PLRG1: variants seen among roughly 807,000 people sequenced by gnomAD.
PLRG1 encodes the protein pleiotropic regulator 1 (PRL1 homolog, Arabidopsis).
Under a neutral mutation model 74.9 loss-of-function variants are expected in PLRG1, and 28 were observed. The observed-to-expected ratio is 0.37, with a 90% CI of 0.28 to 0.51. The LOEUF is 0.51. Among genes scored for constraint, PLRG1 ranks in the 20% least tolerant of loss-of-function variants. PLRG1 has a pLI of 0.91. For missense variants in PLRG1, 445 were observed against 631.9 expected, an observed-to-expected ratio of 0.70 and a Z score of 3.17; for synonymous variants, 197 against 212.4, an observed-to-expected ratio of 0.93 and a Z score of 0.63.
At chr4:154,549,816 T>A (rs1052746561) in intron 1 of PLRG1, 21 of 455,786 alleles carry the variant, frequency 4.6e-5, no homozygotes, top group Admixed American at 4.5e-4. Flanking sequence ...AATAAACATG[T>A]GGGGTAAGAT....
In PLRG1 at chr4:154,546,087, T is replaced by C. The variant is rs376230566; in HGVS notation, c.404+36A>G. 22 of 1,297,278 alleles carry C rather than the reference T, an allele frequency of 1.7e-5. No homozygotes were observed. The African/African-American group carries it at 2.8e-4, about 17-fold the overall frequency. The allele number at this position is 1,297,278 out of a possible 1,614,324, so 80.4% of individuals were successfully genotyped here. A position where few individuals can be genotyped will look rare whatever the true frequency, so the allele number is the denominator to read the frequency against. On this transcript the variant is annotated intron_variant, in intron 5 of 14. Transcript: ENST00000499023. ...AAGAAAAAATGTGAACAGTGAAATATGCTTTTAAGATCTTTGTAATTATAA... is the reference window on the plus strand; with the variant it reads ...AAGAAAAAATGTGAACAGTGAAATACGCTTTTAAGATCTTTGTAATTATAA...
rs1729567761 is a variant in PLRG1 at position 154,542,246 on chromosome 4, T to C, written c.628A>G (p.Ile210Val). 6.2e-7 allele frequency: 1 copy of C among 1,612,896 alleles called. No individual in the cohort carries two copies. Among genetic ancestry groups the C allele is most frequent in the Non-Finnish European group, 8.5e-7 (1 of 1,178,964 alleles). ...CACTGATTTCCAGGTTCCACAGCAA[T>C]ACATCGAACCCAGCCAAGATGCCCA... ...ISGHLGWVRC[I>V]AVEPGNQWFV... is the part of the protein sequence containing the mutation. Residue 210 changes from isoleucine (I) to valine (V), a missense_variant, in exon 8 of 15, where the codon ATT becomes GTT. Physicochemically the swap from Ile to Val is conservative, Grantham distance 29. This residue lies in a region of PLRG1 where 221 missense variants were observed against 377.7 expected (regional missense o/e 0.59). Coordinates refer to ENST00000499023, the MANE Select transcript of PLRG1 (RefSeq NM_002669.4).
At chr4:154,550,273 C>T (rs1347205385) in intron 1 of PLRG1, 27 bp downstream of exon 1, 1 of 1,608,306 alleles carries the variant, frequency 6.2e-7, no homozygotes, top group South Asian at 1.1e-5. Flanking sequence ...AGACAAACGA[C>T]TCTTGAGAGC....
intron 12 of PLRG1, 110 bp from the exon 13 acceptor site, chr4:154,538,218 A>C (rs888918310): frequency 4.1e-6 from 2 of 483,084 alleles, no homozygotes; most frequent in African/African-American, 4.0e-5. Context: ...TCAATGATTT[A>C]TATATTCAGC....
At chr4:154,546,293 A>G (rs565243229) in intron 4 of PLRG1, 80 bp from the exon 5 acceptor site, 15 of 742,986 alleles carry the variant, frequency 2.0e-5, no homozygotes, top group Non-Finnish European at 3.4e-5. Context: ...TGATGAAGGA[A>G]AACATACACC....
At chr4:154,537,604 A>G (rs1729474708) in intron 13 of PLRG1, 125 bp from the exon 14 acceptor site, 1 of 611,394 alleles carries the variant, frequency 1.6e-6, no homozygotes, top group Non-Finnish European at 2.8e-6. Context: ...AGACACAGGC[A>G]CTCCACCTTC....
At chr4:154,541,686 T>C (rs974250167) in intron 8 of PLRG1, among the ~76,000 whole-genome samples, 3 of 152,190 alleles carry the variant, frequency 2.0e-5, no homozygotes, top group African/African-American at 7.2e-5. Context: ...GAATATGCCT[T>C]TGATACAACG....
At chr4:154,548,997 C>A in intron 1 of PLRG1, 62 bp from the exon 2 acceptor site, 2 of 957,480 alleles carry the variant, frequency 2.1e-6, no homozygotes, top group South Asian at 1.3e-5. Flanking sequence ...AACCTAAAGT[C>A]AGATTGATTA....
At chr4:154,542,015 A>T (rs561632541) in intron 8 of PLRG1, 172 bp downstream of exon 8, 9 of 567,224 alleles carry the variant, frequency 1.6e-5, no homozygotes, top group Middle Eastern at 9.5e-4. Context: ...GCACTTTTCA[A>T]ACAGATATTT....
intron 1 of PLRG1, 87 bp from the exon 2 acceptor site, chr4:154,549,022 T>A: frequency 1.2e-6 from 1 of 800,200 alleles, no homozygotes; most frequent in Non-Finnish European, 2.1e-6. Context: ...CTTCACGTGT[T>A]TAAATATGTA....
intron 1 of PLRG1, 141 bp from the exon 2 acceptor site, chr4:154,549,076 A>G: frequency 1.6e-6 from 1 of 641,582 alleles, no homozygotes; most frequent in Non-Finnish European, 2.9e-6. Context: ...TGCAAGCTAC[A>G]GGAGTCAAGT....
intron 11 of PLRG1, 53 bp downstream of exon 11, chr4:154,539,898 T>C: frequency 3.5e-6 from 3 of 861,770 alleles, no homozygotes; most frequent in Non-Finnish European, 6.1e-6. Context: ...ATATGTATAA[T>C]AACATGGATT....
At chr4:154,545,262 T>G (rs1301338613) in intron 6 of PLRG1, among the ~76,000 whole-genome samples, 1 of 152,210 alleles carries the variant, frequency 6.6e-6, no homozygotes, top group Non-Finnish European at 1.5e-5. Context: ...TCAAATCAAT[T>G]GCATAATGAG....
chr4:154,537,357 G>T lies in PLRG1; in HGVS notation c.1414C>A (p.Gln472Lys). The stretch of plus-strand genomic sequence containing the variant: ...GCTGTTAGTAATCGACTTTCAGACT[G>T]ATCAAAAGCACAAGCAAATATTCCT... ...ESGIFACAFD[Q>K]SESRLLTAEA... The change falls in exon 14 of 15, where the codon CAG becomes AAG. Residue 472 changes from glutamine to lysine, a missense_variant. This residue lies in a region of PLRG1 where 221 missense variants were observed against 377.7 expected (regional missense o/e 0.59). Coordinates refer to ENST00000499023, the MANE Select transcript of PLRG1 (RefSeq NM_002669.4). The T allele has an allele frequency of 6.2e-7, 1 of 1,613,178 alleles. No individual in the cohort carries two copies. The highest frequency in any genetic ancestry group is 8.5e-7 in the Non-Finnish European group (1 of 1,179,360).
intron 11 of PLRG1, among the ~76,000 whole-genome samples, chr4:154,539,688 A>G (rs1422476951): frequency 2.0e-5 from 3 of 152,074 alleles, no homozygotes; most frequent in Non-Finnish European, 4.4e-5. Context: ...CTATAAAATA[A>G]TAATTGTTCA....
intron 4 of PLRG1, 27 bp downstream of exon 4, chr4:154,546,984 A>G: frequency 6.6e-7 from 1 of 1,509,204 alleles, no homozygotes; most frequent in East Asian, 2.3e-5. Flanking sequence ...TTTTTAAGAC[A>G]TTTTCAATAT....
chr4:154,546,848 G>T (rs1481676918), intron 4 of PLRG1, 163 bp downstream of exon 4: 3 of 611,770 alleles, frequency 4.9e-6, no homozygotes, highest in Non-Finnish European at 8.9e-6. Context: ...TTTGCTGAAT[G>T]AAGGCATATG....
chr4:154,537,214 A>T, intron 14 of PLRG1, 72 bp downstream of exon 14: 4 of 878,938 alleles, frequency 4.6e-6, no homozygotes, highest in Admixed American at 4.9e-5. Flanking sequence ...TTTCCTTCTG[A>T]TAATTAAATG....
chr4:154,537,495 C>G lies in PLRG1; in HGVS notation c.1292-16G>C. The G allele has an allele frequency of 6.3e-7, 1 of 1,586,624 alleles. No individual in the cohort carries two copies. On this transcript the variant is annotated splice_polypyrimidine_tract_variant and intron_variant, in intron 13 of 14. Transcript: ENST00000499023. ...CCATTGTCAGCTTAAAGGGAAAAAT[C>G]TAGTTACACCTGGTATCCCCTCAGC...
Sources: allele counts gnomAD v4.1 joint callset (sites outside exome capture counted in the v4.1 genomes callset), GRCh38; gene constraint gnomAD v4.1.1; regional missense constraint gnomAD v4.1.1; transcripts MANE v1.5; gene names NCBI Gene and HGNC (gene_info 2026-07-23, HGNC 2026-07-21).